Variants in C10orf67 observed in about 807,000 individuals in gnomAD.
The protein encoded by C10orf67 is chromosome 10 open reading frame 67, also known as uncharacterized protein C10orf67, mitochondrial.
C10orf67 carries 60 observed loss-of-function variants against 35.6 expected under a neutral mutation model. That is an observed-to-expected ratio of 1.68 (90% CI 1.37 to 2.09). The LOEUF is 2.09. Ranked by LOEUF, C10orf67 falls within the 30% of genes most tolerant of loss-of-function variation. The pLI, the probability that C10orf67 is intolerant of heterozygous loss-of-function variation, is 0.00. For synonymous variants in C10orf67, 167 were observed against 115.8 expected (o/e 1.44, Z -2.84); for missense variants, 474 against 330.2 (o/e 1.44, Z -3.38).
At chr10:23,270,917 A>G (rs886652079) in intron 8 of C10orf67, among the ~76,000 whole-genome samples, 9 of 152,222 alleles carry the variant, frequency 5.9e-5, no homozygotes, top group Admixed American at 2.0e-4. Flanking sequence ...AGCCAGGGTT[A>G]TATGTACAGA....
chr10:23,279,764 T>G (rs1354447281), intron 8 of C10orf67, among the ~76,000 whole-genome samples: 3 of 151,966 alleles, frequency 2.0e-5, no homozygotes, highest in Admixed American at 6.6e-5. Context: ...ATACAATCAC[T>G]CTAGGTTGCA....
chr10:23,245,747 T>A (rs1197654637), intron 12 of C10orf67, among the ~76,000 whole-genome samples: 1 of 152,212 alleles, frequency 6.6e-6, no homozygotes, highest in African/African-American at 2.4e-5. Flanking sequence ...CCTTGCACAC[T>A]GTTGATGGGA....
chr10:23,338,537 A>T (rs939619435), intron 1 of C10orf67, among the ~76,000 whole-genome samples: 2 of 152,156 alleles, frequency 1.3e-5, no homozygotes, highest in African/African-American at 2.4e-5. Flanking sequence ...ACCGAGCATG[A>T]ACTTACAGAA....
chr10:23,215,586 A>G (rs1054959302), intron 15 of C10orf67, among the ~76,000 whole-genome samples: 1 of 152,092 alleles, frequency 6.6e-6, no homozygotes, highest in Non-Finnish European at 1.5e-5. Flanking sequence ...TGAGATATCT[A>G]TTATATACTA....
Position 23,239,827 on chromosome 10 carries a change from A to G in C10orf67, c.1347-11T>C. On this transcript the variant is annotated splice_polypyrimidine_tract_variant and intron_variant, in intron 12 of 15. Coordinates refer to ENST00000636213, the MANE Select transcript of C10orf67 (RefSeq NM_001371909.1). ...TTAAGGACATGAAAGCTGAAATTTT[A>G]AAAATGATGAAACTTAAAATGTATG... 1 of 610,258 alleles carries G rather than the reference A, an allele frequency of 1.6e-6. No individual in the cohort carries two copies. Among genetic ancestry groups the G allele is most frequent in the South Asian group, 2.0e-5 (1 of 50,586 alleles). 37.8% of individuals were successfully genotyped at this position (610,258 alleles called of 1,614,324 possible).
intron 8 of C10orf67, among the ~76,000 whole-genome samples, chr10:23,279,274 A>G (rs1018124768): frequency 2.6e-5 from 4 of 152,240 alleles, no homozygotes; most frequent in Admixed American, 1.3e-4. Context: ...CAGTCACATT[A>G]GGCCACGCTT....
At chr10:23,229,309 C>T (rs1358353481) in intron 13 of C10orf67, among the ~76,000 whole-genome samples, 1 of 151,632 alleles carries the variant, frequency 6.6e-6, no homozygotes, top group African/African-American at 2.4e-5. Flanking sequence ...TGGAAACCAT[C>T]ATTCTCAGCA....
chr10:23,229,577 T>C (rs1841848311), intron 13 of C10orf67, among the ~76,000 whole-genome samples: 1 of 152,002 alleles, frequency 6.6e-6, no homozygotes, highest in Admixed American at 6.6e-5. Flanking sequence ...GAACTTAAAG[T>C]ATAATAATAA....
chr10:23,319,646 C>T (rs1365408130), intron 4 of C10orf67, among the ~76,000 whole-genome samples: 2 of 152,178 alleles, frequency 1.3e-5, no homozygotes, highest in Admixed American at 1.3e-4. Flanking sequence ...CAAGTGTTCC[C>T]TTTTCTCTGC....
intron 15 of C10orf67, among the ~76,000 whole-genome samples, chr10:23,217,531 A>T (rs1031804852): frequency 6.6e-6 from 1 of 152,176 alleles, no homozygotes; most frequent in Non-Finnish European, 1.5e-5. Flanking sequence ...ATAATGGCTT[A>T]TGTGGTTTAT....
chr10:23,296,441 T>C lies in C10orf67; in HGVS notation c.703-5162A>G, dbSNP rs148268966. On this transcript the variant is annotated intron_variant, in intron 5 of 15. Coordinates refer to ENST00000636213, the MANE Select transcript of C10orf67 (RefSeq NM_001371909.1). ...CTGGTGTGAGCTAAGTTGCAAGCCC[T>C]GTGTTTAAAGGTGGAAGCGGTCACC... is the stretch of plus-strand genomic sequence containing the variant. Among the ~76,000 whole-genome samples, 487 of 152,290 alleles carry C rather than the reference T, an allele frequency of 3.2e-3. 14 individuals carry two copies. The East Asian group carries it at 0.049, about 15-fold the overall frequency.
intron 3 of C10orf67, among the ~76,000 whole-genome samples, chr10:23,322,182 T>A (rs1844981458): frequency 6.6e-6 from 1 of 152,212 alleles, no homozygotes; most frequent in African/African-American, 2.4e-5. Flanking sequence ...GCCTACTTCA[T>A]AAGGTAAATG....
At chr10:23,243,123 T>C (rs1842224972) in intron 12 of C10orf67, among the ~76,000 whole-genome samples, 1 of 152,172 alleles carries the variant, frequency 6.6e-6, no homozygotes, top group South Asian at 2.1e-4. Flanking sequence ...TTCATAATGA[T>C]AGATATTACT....
At position 23,302,985 on chromosome 10, in the gene C10orf67, G is replaced by A. The variant is rs542309516; in HGVS notation, c.702+319C>T. The stretch of plus-strand genomic sequence containing the variant: ...ACTGCAAAAAAAGGTGGGAGTCTTC[G>A]GTTACAACAAAAATCCACTCCCACA... On this transcript the variant is annotated intron_variant, in intron 5 of 15. Coordinates refer to ENST00000636213, the MANE Select transcript of C10orf67 (RefSeq NM_001371909.1). 1.3e-3 allele frequency among the ~76,000 whole-genome samples: 201 copies of A among 152,236 alleles called. 1 individual carries two copies. The highest frequency in any genetic ancestry group is 4.8e-3 in the African/African-American group (199 of 41,542).
At chr10:23,259,277 G>A (rs749490718) in intron 10 of C10orf67, among the ~76,000 whole-genome samples, 1 of 152,150 alleles carries the variant, frequency 6.6e-6, no homozygotes, top group Non-Finnish European at 1.5e-5. Flanking sequence ...ATGCCTTTAA[G>A]GATCAGACTT....
chr10:23,221,087 G>C (rs553368799), intron 15 of C10orf67, among the ~76,000 whole-genome samples: 1 of 152,166 alleles, frequency 6.6e-6, no homozygotes, highest in Non-Finnish European at 1.5e-5. Flanking sequence ...AACTACCTGA[G>C]ACTGGCTAAT....
intron 12 of C10orf67, among the ~76,000 whole-genome samples, chr10:23,244,098 C>T (rs1040663236): frequency 1.3e-5 from 2 of 151,998 alleles, no homozygotes; most frequent in African/African-American, 4.8e-5. Flanking sequence ...ACTTTGTTGC[C>T]CAGGCTGGTC....
intron 5 of C10orf67, among the ~76,000 whole-genome samples, chr10:23,294,829 A>G (rs543653033): frequency 6.6e-6 from 1 of 152,308 alleles, no homozygotes; most frequent in Admixed American, 6.5e-5. Flanking sequence ...AGGGGTTTTT[A>G]AAATACCACT....
intron 13 of C10orf67, among the ~76,000 whole-genome samples, chr10:23,225,238 T>C (rs561711953): frequency 1.3e-5 from 2 of 152,286 alleles, no homozygotes; most frequent in East Asian, 3.9e-4. Flanking sequence ...GAAAATAATT[T>C]TCAACCCAGA....
Sources: allele counts gnomAD v4.1 joint callset (sites outside exome capture counted in the v4.1 genomes callset), GRCh38; gene constraint gnomAD v4.1.1; transcripts MANE v1.5; gene names NCBI Gene and HGNC (gene_info 2026-07-23, HGNC 2026-07-21).